FUT9: variants seen among roughly 807,000 people sequenced by gnomAD.
The protein encoded by FUT9 is 4-galactosyl-N-acetylglucosaminide 3-alpha-L-fucosyltransferase 9.
In FUT9, 15 loss-of-function variants were observed where a neutral mutation model predicts 29.7. The ratio of observed to expected loss-of-function variants is 0.51; its 90% CI spans 0.34 to 0.78. The LOEUF (loss-of-function observed/expected upper bound fraction) is 0.78, where lower values mean the gene tolerates loss of function less well. Ranked by LOEUF, FUT9 falls within the 30% of genes least tolerant of loss-of-function variation. The pLI is 0.01. For synonymous variants in FUT9, 169 were observed against 153.7 expected (o/e 1.10, Z -0.74); for missense variants, 319 against 425.4 (o/e 0.75, Z 2.20).
In FUT9 at chr6:96,162,765, A is replaced by G. The variant is rs547267450; in HGVS notation, c.-8-40383A>G. 3.9e-5 allele frequency among the ~76,000 whole-genome samples: 6 copies of G among 152,310 alleles called. No individual in the cohort carries two copies. In the South Asian group the frequency reaches 1.2e-3, roughly 32 times the overall value. On this transcript the variant is annotated intron_variant, in intron 2 of 2. Coordinates refer to ENST00000302103, the MANE Select transcript of FUT9 (RefSeq NM_006581.4). The stretch of plus-strand genomic sequence containing the variant: ...CTTCCTTAACAATTCTTCCTTAAAT[A>G]GAGCCTACATCTGGCATTCTTTGCG...
intron 1 of FUT9, among the ~76,000 whole-genome samples, chr6:96,033,438 C>T (rs1266630931): frequency 1.3e-5 from 2 of 151,470 alleles, no homozygotes; most frequent in Non-Finnish European, 3.0e-5. Context: ...GTACAGCAAT[C>T]CACAGATAGA....
At chr6:96,097,141 G>T (rs759062199) in intron 1 of FUT9, among the ~76,000 whole-genome samples, 77 of 152,330 alleles carry the variant, frequency 5.1e-4, no homozygotes, top group Non-Finnish European at 7.3e-4. Context: ...CATACTGAAG[G>T]AATATGTAAT....
chr6:96,078,546 G>C (rs1405851500), intron 1 of FUT9, among the ~76,000 whole-genome samples: 1 of 145,820 alleles, frequency 6.9e-6, no homozygotes, highest in Non-Finnish European at 1.5e-5. Context: ...TCAGCCTCCC[G>C]AGTAGCTGGG....
intron 1 of FUT9, among the ~76,000 whole-genome samples, chr6:96,038,219 A>C (rs1271384816): frequency 2.6e-5 from 4 of 152,122 alleles, no homozygotes; most frequent in Non-Finnish European, 4.4e-5. Context: ...AGAAGAGTAA[A>C]GTTTTCAAAA....
At chr6:96,153,310 C>G (rs1009101707) in intron 2 of FUT9, among the ~76,000 whole-genome samples, 3 of 152,128 alleles carry the variant, frequency 2.0e-5, no homozygotes, top group Admixed American at 6.6e-5. Context: ...CTGTGCCCCT[C>G]CCTGAGCCAG....
chr6:96,202,746 T>C (rs2127991445), intron 2 of FUT9, among the ~76,000 whole-genome samples: 1 of 152,280 alleles, frequency 6.6e-6, no homozygotes, highest in East Asian at 1.9e-4. Context: ...TGCGAGTAAA[T>C]AAGTGATTAT....
chr6:96,116,484 T>C (rs1771913596), intron 2 of FUT9, among the ~76,000 whole-genome samples: 1 of 152,208 alleles, frequency 6.6e-6, no homozygotes, highest in South Asian at 2.1e-4. Flanking sequence ...AATATGGGAA[T>C]ATTTACAGAA....
intron 1 of FUT9, among the ~76,000 whole-genome samples, chr6:96,024,186 G>A (rs1281425660): frequency 1.3e-5 from 2 of 151,714 alleles, no homozygotes; most frequent in Non-Finnish European, 2.9e-5. Context: ...CATGACTTAG[G>A]TGTCCACATC....
At chr6:96,083,409 C>A (rs1218870529) in intron 1 of FUT9, among the ~76,000 whole-genome samples, 2 of 152,054 alleles carry the variant, frequency 1.3e-5, no homozygotes, top group Non-Finnish European at 2.9e-5. Flanking sequence ...AAAAGGACTG[C>A]TGTCCATTTA....
chr6:96,066,431 G>A (rs946539771), intron 1 of FUT9, among the ~76,000 whole-genome samples: 19 of 151,854 alleles, frequency 1.3e-4, no homozygotes, highest in African/African-American at 3.1e-4. Context: ...TCTACACATT[G>A]TCCTCTGTGA....
At chr6:96,138,227 GAA>G (rs974593847) in intron 2 of FUT9, among the ~76,000 whole-genome samples, 7 of 152,158 alleles carry the variant, frequency 4.6e-5, no homozygotes, top group Non-Finnish European at 8.8e-5. Context: ...TATCTTTGGA[GAA>G]AATGACTTTG....
chr6:96,161,892 CT>C (rs1213317074), intron 2 of FUT9, among the ~76,000 whole-genome samples: 1 of 152,138 alleles, frequency 6.6e-6, no homozygotes, highest in African/African-American at 2.4e-5. Flanking sequence ...CTTCTTTCCT[CT>C]TTGTATTTCA....
At chr6:96,147,715 T>G (rs976833469) in intron 2 of FUT9, among the ~76,000 whole-genome samples, 1 of 151,856 alleles carries the variant, frequency 6.6e-6, no homozygotes, top group East Asian at 1.9e-4. Flanking sequence ...TCTGTGCTAA[T>G]TGAATGATGA....
intron 2 of FUT9, among the ~76,000 whole-genome samples, chr6:96,138,347 T>C (rs181356577): frequency 2.2e-4 from 34 of 152,334 alleles, no homozygotes; most frequent in Non-Finnish European, 3.8e-4. Flanking sequence ...CTTTCTTTTA[T>C]GCACTTCTAT....
intron 1 of FUT9, among the ~76,000 whole-genome samples, chr6:96,107,107 C>T (rs939921384): frequency 6.6e-6 from 1 of 152,180 alleles, no homozygotes; most frequent in Non-Finnish European, 1.5e-5. Flanking sequence ...CATAGCTTTG[C>T]TAACCTCTGG....
Position 96,203,658 on chromosome 6 carries a change from A to G in FUT9, c.503A>G (p.Tyr168Cys). The change falls in exon 3 of 3, where the codon TAT (tyrosine) becomes TGT (cysteine). Residue 168 changes from tyrosine to cysteine, a missense_variant. Tyr to Cys is a radical substitution (Grantham distance 194). Transcript: ENST00000302103. ...YRRDSDIQVP[Y>C]GFLTVSTNPF... ...CGTGATTCAGATATCCAAGTGCCTTATGGCTTCTTGACGGTAAGCACAAAT... is the reference window on the plus strand; with the variant it reads ...CGTGATTCAGATATCCAAGTGCCTTGTGGCTTCTTGACGGTAAGCACAAAT... The G allele has an allele frequency of 6.2e-7, 1 of 1,614,048 alleles. No individual in the cohort carries two copies. The highest frequency in any genetic ancestry group is 8.5e-7 in the Non-Finnish European group (1 of 1,179,998).
intron 2 of FUT9, among the ~76,000 whole-genome samples, chr6:96,129,264 CAAAAAAAAAAAAAAAA>C (rs869216525): frequency 7.5e-5 from 1 of 13,316 alleles, no homozygotes; most frequent in African/African-American, 3.1e-4. Flanking sequence ...GACTCTGTCT[CAAAAAAAAAAAAAAAA>C]AAAAAAAAAA....
At chr6:96,088,567 T>C (rs866251855) in intron 1 of FUT9, among the ~76,000 whole-genome samples, 1,575 of 129,670 alleles carry the variant, frequency 0.012, 21 homozygotes, top group African/African-American at 0.033. Context: ...TGTGTGTGTG[T>C]GCGTGCGCGC....
chr6:96,178,709 T>A (rs1187472281), intron 2 of FUT9, among the ~76,000 whole-genome samples: 1 of 152,148 alleles, frequency 6.6e-6, no homozygotes, highest in Non-Finnish European at 1.5e-5. Flanking sequence ...ATTCCTCATT[T>A]GATTTTCTTT....
Sources: allele counts gnomAD v4.1 joint callset (sites outside exome capture counted in the v4.1 genomes callset), GRCh38; gene constraint gnomAD v4.1.1; transcripts MANE v1.5; gene names NCBI Gene and HGNC (gene_info 2026-07-23, HGNC 2026-07-21).